Variants in ARHGAP32 observed in about 807,000 individuals in gnomAD.
The protein encoded by ARHGAP32 is rho GTPase-activating protein 32.
A neutral mutation model predicts 186.5 loss-of-function variants in ARHGAP32; 51 were observed. The observed-to-expected ratio is 0.27, with a 90% CI of 0.22 to 0.35. ARHGAP32 has a LOEUF of 0.35. Among genes scored for constraint, ARHGAP32 ranks in the 10% least tolerant of loss-of-function variants. The probability of loss-of-function intolerance (pLI) is 1.00; values close to 1 mark genes in which losing one functional copy is unlikely to be tolerated. For missense variants in ARHGAP32, 2,186 were observed against 2,623.5 expected, an observed-to-expected ratio of 0.83 and a Z score of 3.64; for synonymous variants, 950 against 964.3, an observed-to-expected ratio of 0.99 and a Z score of 0.27.
chr11:129,088,994 T>TGAAAAAAAAAAAAAAAAAA lies in ARHGAP32; in HGVS notation c.531+4626_531+4627insTTTTTTTTTTTTTTTTTTC, dbSNP rs1565416702. Reference sequence around the variant, plus strand: ...GCCTGGGTGACAGAGAGAGACCTTGTCAAAAAAAAAAAAAAAAAAAAAAAG... The same window carrying TGAAAAAAAAAAAAAAAAAA: ...GCCTGGGTGACAGAGAGAGACCTTGTGAAAAAAAAAAAAAAAAAACAAAAAAAAAAAAAAAAAAAAAAAG... On this transcript the variant is annotated intron_variant, in intron 6 of 22. Transcript: ENST00000682385. Among the ~76,000 whole-genome samples the TGAAAAAAAAAAAAAAAAAA allele has an allele frequency of 3.1e-5, 2 of 65,572 alleles. 1 individual carries two copies. The allele number at this position is 65,572 out of a possible 152,430, so 43.0% of individuals were successfully genotyped here.
intron 1 of ARHGAP32, among the ~76,000 whole-genome samples, chr11:129,216,246 G>A (rs894021799): frequency 9.9e-5 from 15 of 152,012 alleles, no homozygotes; most frequent in Non-Finnish European, 1.9e-4. Context: ...ATTCGGATGC[G>A]GACATATTTG....
At chr11:129,050,888 G>A (rs1190510348) in intron 10 of ARHGAP32, among the ~76,000 whole-genome samples, 1 of 152,182 alleles carries the variant, frequency 6.6e-6, no homozygotes, top group Non-Finnish European at 1.5e-5. Context: ...GAGAACACGT[G>A]GTGTTTGGTT....
chr11:129,004,245 C>CTTTT lies in ARHGAP32; in HGVS notation c.1046-5781_1046-5778dup, dbSNP rs71057919. Among the ~76,000 whole-genome samples the CTTTT allele has an allele frequency of 7.7e-5, 9 of 116,362 alleles. 1 individual carries two copies. The highest frequency in any genetic ancestry group is 1.3e-4 in the African/African-American group (4 of 30,168). The allele number at this position is 116,362 out of a possible 152,430, so 76.3% of individuals were successfully genotyped here. ...TGCCTGATATCACTTCAATGCTTTC[C>CTTTT]TTTTTTTTTTTTTTTTTTTTGAATA... On this transcript the variant is annotated intron_variant, in intron 11 of 22. Transcript: ENST00000682385.
At chr11:129,233,114 C>T (rs1361777921) in intron 1 of ARHGAP32, among the ~76,000 whole-genome samples, 3 of 151,570 alleles carry the variant, frequency 2.0e-5, no homozygotes, top group African/African-American at 7.3e-5. Context: ...ATATTATACT[C>T]CAATGAAAAC....
intron 5 of ARHGAP32, among the ~76,000 whole-genome samples, chr11:129,108,004 T>C (rs188941363): frequency 1.4e-4 from 21 of 151,688 alleles, no homozygotes; most frequent in African/African-American, 4.8e-4. Flanking sequence ...AACAGCCATA[T>C]AAAATATACA....
In ARHGAP32 at chr11:129,123,532, T is replaced by C; in HGVS notation, c.360-2A>G. 1 of 1,607,904 alleles carries C rather than the reference T, an allele frequency of 6.2e-7. No homozygotes were observed. Among genetic ancestry groups the C allele is most frequent in the Non-Finnish European group, 8.5e-7 (1 of 1,175,076 alleles). ...AAGTGACCTTTAGTGAAGGGTAACC[T>C]GAAACACATGAAATAAATAAGAAAC... On this transcript the variant is annotated splice_acceptor_variant, in intron 4 of 22. Transcript: ENST00000682385. LOFTEE classifies it high-confidence loss of function. The surrounding 1 kb of genome is among the most constrained non-coding windows in gnomAD (Gnocchi z 4.6).
At chr11:128,991,422 G>C (rs550304574) in intron 12 of ARHGAP32, among the ~76,000 whole-genome samples, 1 of 151,992 alleles carries the variant, frequency 6.6e-6, no homozygotes, top group African/African-American at 2.4e-5. Flanking sequence ...GAATCTTGAA[G>C]AAAAGGAGCA....
At chr11:128,991,145 T>C (rs1946036449) in intron 12 of ARHGAP32, among the ~76,000 whole-genome samples, 1 of 152,178 alleles carries the variant, frequency 6.6e-6, no homozygotes, top group Non-Finnish European at 1.5e-5. Flanking sequence ...TTCTTCCAAA[T>C]AAGTAGGAAA....
rs532409524 is a variant in ARHGAP32 at position 129,125,191 on chromosome 11, C to T, written c.226-297G>A. On this transcript the variant is annotated intron_variant, in intron 2 of 22. Transcript: ENST00000682385. ...TACCTCAATACGAATTAAAATTTCC[C>T]CTGGAAGTTGTTGGAATAAAATAAC... 1.5e-3 allele frequency among the ~76,000 whole-genome samples: 234 copies of T among 151,670 alleles called. 3 individuals carry two copies. The highest frequency in any genetic ancestry group is 2.0e-3 in the Non-Finnish European group (135 of 67,822).
At chr11:128,994,843 A>C (rs1401312298) in intron 12 of ARHGAP32, among the ~76,000 whole-genome samples, 1 of 152,154 alleles carries the variant, frequency 6.6e-6, no homozygotes, top group Non-Finnish European at 1.5e-5. Flanking sequence ...ACCCTGATGA[A>C]ACAGGAAATT....
chr11:129,081,649 T>C (rs1591597378), intron 6 of ARHGAP32, among the ~76,000 whole-genome samples: 2 of 152,134 alleles, frequency 1.3e-5, no homozygotes, highest in Middle Eastern at 6.8e-3. Flanking sequence ...AACATTATAC[T>C]GAACAGGTAA....
intron 10 of ARHGAP32, among the ~76,000 whole-genome samples, chr11:129,042,318 T>C (rs1047686340): frequency 2.0e-5 from 3 of 152,106 alleles, no homozygotes; most frequent in Non-Finnish European, 4.4e-5. Context: ...ACCTGGCTAA[T>C]TTTGTTTATT....
At chr11:129,132,400 A>T (rs901135876) in intron 2 of ARHGAP32, among the ~76,000 whole-genome samples, 2 of 151,936 alleles carry the variant, frequency 1.3e-5, no homozygotes. Flanking sequence ...GAATTGCTTG[A>T]GCCTAAGGTT....
chr11:129,174,132 G>A (rs1189084329), intron 1 of ARHGAP32, among the ~76,000 whole-genome samples: 1 of 152,238 alleles, frequency 6.6e-6, no homozygotes, highest in Non-Finnish European at 1.5e-5. Context: ...CACTCGGGAA[G>A]CGCAGAGGGT....
intron 10 of ARHGAP32, among the ~76,000 whole-genome samples, chr11:129,055,697 C>A (rs1358148083): frequency 6.6e-6 from 1 of 152,042 alleles, no homozygotes; most frequent in Admixed American, 6.6e-5. Flanking sequence ...ACATACTATA[C>A]GATTCCAACA....
At chr11:129,204,446 T>G (rs988567167) in intron 1 of ARHGAP32, among the ~76,000 whole-genome samples, 2 of 152,196 alleles carry the variant, frequency 1.3e-5, no homozygotes, top group Non-Finnish European at 2.9e-5. Context: ...AAAGTTGTAC[T>G]AAGTTTTCAT....
rs537947981 is a variant in ARHGAP32, at chr11:129,077,501, C to T, written c.532-10633G>A. ...ACTGGCCTTCCTGGCTGCATGGGAG[C>T]TGGATGAAACCCGTCACTGCCAACT... On this transcript the variant is annotated intron_variant, in intron 6 of 22. Coordinates refer to ENST00000682385, the MANE Select transcript of ARHGAP32 (RefSeq NM_001378024.1). 2.0e-5 allele frequency among the ~76,000 whole-genome samples: 3 copies of T among 152,188 alleles called. No individual in the cohort carries two copies. The South Asian group carries it at 6.2e-4, about 32-fold the overall frequency.
chr11:129,041,146 T>A, intron 10 of ARHGAP32, 137 bp from the exon 11 acceptor site: 1 of 514,962 alleles, frequency 1.9e-6, no homozygotes, highest in East Asian at 3.1e-5. Flanking sequence ...AAATAACAGA[T>A]GATGCCAATT....
intron 1 of ARHGAP32, among the ~76,000 whole-genome samples, chr11:129,205,652 T>C (rs914920135): frequency 6.6e-5 from 10 of 152,166 alleles, no homozygotes; most frequent in Non-Finnish European, 1.5e-4. Context: ...TAAAGTCCTA[T>C]ATAGATGTTC....
Sources: gnomAD v4.1 joint callset for allele counts (sites outside exome capture counted in the v4.1 genomes callset) on GRCh38, gnomAD v4.1.1 for gene constraint, Gnocchi (gnomAD v3.1) non-coding constraint, MANE v1.5 for transcripts, NCBI Gene and HGNC (gene_info 2026-07-23, HGNC 2026-07-21) for gene names.